The following MCPH1 variants were observed in gnomAD, a reference collection of about 807,000 sequenced individuals.
MCPH1 encodes the protein microcephalin 1, also known as microcephalin.
MCPH1 carries 104 observed loss-of-function variants against 84.5 expected under a neutral mutation model. The observed-to-expected ratio is 1.23, with a 90% confidence interval of 1.05 to 1.45. MCPH1 has a LOEUF of 1.45. Among genes scored for constraint, MCPH1 ranks in the 40% most tolerant of loss-of-function variants. The pLI is 0.00. For synonymous variants in MCPH1, 514 were observed against 366.8 expected (o/e 1.40, Z -4.58); for missense variants, 1,498 against 1,005.7 (o/e 1.49, Z -6.62).
At chr8:6,536,606 A>G (rs571085309) in intron 12 of MCPH1, among the ~76,000 whole-genome samples, 1 of 152,300 alleles carries the variant, frequency 6.6e-6, no homozygotes, top group Non-Finnish European at 1.5e-5. Context: ...GTTTTCTTCC[A>G]AAGATTAGTA....
At chr8:6,504,412 C>T (rs1468639137) in intron 12 of MCPH1, among the ~76,000 whole-genome samples, 1 of 152,066 alleles carries the variant, frequency 6.6e-6, no homozygotes, top group Non-Finnish European at 1.5e-5. Context: ...TCATCCCTCC[C>T]AGAACATGAA....
chr8:6,509,990 G>A (rs185157317), intron 12 of MCPH1, among the ~76,000 whole-genome samples: 9 of 152,256 alleles, frequency 5.9e-5, no homozygotes, highest in South Asian at 4.1e-4. Flanking sequence ...ATCCCAAAGT[G>A]TAGTTTCTGC....
At chr8:6,418,350 C>CT (rs1324579616) in intron 3 of MCPH1, among the ~76,000 whole-genome samples, 7 of 152,202 alleles carry the variant, frequency 4.6e-5, no homozygotes, top group African/African-American at 1.7e-4. Flanking sequence ...CTTTCTTTTT[C>CT]TTTTATTTCC....
chr8:6,618,895 T>C (rs1831123629), intron 12 of MCPH1: 1 of 152,162 alleles, frequency 6.6e-6, no homozygotes, highest in African/African-American at 2.4e-5. Flanking sequence ...ACTGGGCCAT[T>C]TTCAGCGTGT....
intron 13 of MCPH1, chr8:6,634,828 G>A (rs1036164091): frequency 1.3e-5 from 2 of 152,284 alleles, no homozygotes; most frequent in East Asian, 1.9e-4. Flanking sequence ...TTCATTAGTT[G>A]AGCCTGTAAC....
At chr8:6,426,166 G>C (rs554614206) in intron 3 of MCPH1, among the ~76,000 whole-genome samples, 1 of 152,098 alleles carries the variant, frequency 6.6e-6, no homozygotes, top group Non-Finnish European at 1.5e-5. Context: ...TGCAGGCTCA[G>C]ATAGTTGGTT....
Position 6,477,644 on chromosome 8 carries a change from T to C in MCPH1, c.1973+13T>C. ...GCATGCCATCTGAGTAAGTACTTGT[T>C]TTGATTTCTGTTCAATGTAAAATGT... On this transcript the variant is annotated intron_variant, in intron 10 of 13. Transcript: ENST00000344683. 1 of 1,610,072 alleles carries C rather than the reference T, an allele frequency of 6.2e-7. No individual in the cohort carries two copies. Among genetic ancestry groups the C allele is most frequent in the Non-Finnish European group, 8.5e-7 (1 of 1,176,574 alleles).
chr8:6,573,136 C>A (rs1290530892), intron 12 of MCPH1, among the ~76,000 whole-genome samples: 2 of 152,184 alleles, frequency 1.3e-5, no homozygotes, highest in Non-Finnish European at 2.9e-5. Context: ...CGGTCTGGAA[C>A]TAGCTGCTGA....
intron 12 of MCPH1, chr8:6,620,181 C>G (rs902519635): frequency 2.0e-5 from 3 of 152,238 alleles, no homozygotes; most frequent in Non-Finnish European, 4.4e-5. Flanking sequence ...GCCACTGTCT[C>G]CTGCAAGGCA....
intron 12 of MCPH1, among the ~76,000 whole-genome samples, chr8:6,530,417 G>A (rs2922885): frequency 1.3e-5 from 2 of 150,086 alleles, no homozygotes; most frequent in East Asian, 2.0e-4. Flanking sequence ...GCTAAGGCAC[G>A]AGAATCGCTT....
At chr8:6,410,077 G>A (rs1354907158) in intron 2 of MCPH1, among the ~76,000 whole-genome samples, 1 of 151,840 alleles carries the variant, frequency 6.6e-6, no homozygotes, top group Admixed American at 6.6e-5. Flanking sequence ...TCAAGCGATT[G>A]TCCTGCCTCA....
At chr8:6,633,258 T>C (rs561556234) in intron 13 of MCPH1, among the ~76,000 whole-genome samples, 3 of 152,322 alleles carry the variant, frequency 2.0e-5, no homozygotes, top group East Asian at 1.9e-4. Context: ...ACATTTTGTT[T>C]GCATGTCATA....
chr8:6,507,770 A>T (rs933558059), intron 12 of MCPH1: 2 of 151,798 alleles, frequency 1.3e-5, no homozygotes, highest in Non-Finnish European at 2.9e-5. Flanking sequence ...TTTAGTAGAG[A>T]TGGGGTTTCA....
At chr8:6,460,468 G>A (rs987951249) in intron 9 of MCPH1, among the ~76,000 whole-genome samples, 2 of 151,762 alleles carry the variant, frequency 1.3e-5, no homozygotes, top group African/African-American at 4.8e-5. Context: ...CTCCTACCTC[G>A]TCCTCCCAGG....
At chr8:6,493,569 C>G (rs1297081515) in intron 11 of MCPH1, among the ~76,000 whole-genome samples, 2 of 152,192 alleles carry the variant, frequency 1.3e-5, no homozygotes, top group East Asian at 3.9e-4. Context: ...CTTTATGAGA[C>G]AGCTAGAGCA....
chr8:6,537,089 A>G (rs1022141705), intron 12 of MCPH1, among the ~76,000 whole-genome samples: 3 of 152,038 alleles, frequency 2.0e-5, no homozygotes, highest in Admixed American at 2.0e-4. Context: ...AACTGCTCTC[A>G]TCAAAACAGT....
intron 12 of MCPH1, among the ~76,000 whole-genome samples, chr8:6,576,698 T>C (rs1435421477): frequency 1.6e-5 from 1 of 63,038 alleles, no homozygotes; most frequent in Non-Finnish European, 2.9e-5. Context: ...TTTTTTTTTT[T>C]TTTTTTTTTT....
Position 6,622,217 on chromosome 8 carries a change from G to A in MCPH1, c.2452+526G>A, listed in dbSNP as rs77860145. On this transcript the variant is annotated intron_variant, in intron 13 of 13. Transcript: ENST00000344683. ...TTGACAAAGTGAGCACAGTGTGACC[G>A]TAATGTCCCACTCTGGCGTTCATGG... 312 of 182,672 alleles carry A rather than the reference G, an allele frequency of 1.7e-3. 3 individuals are homozygous for A. Among genetic ancestry groups the A allele is most frequent in the African/African-American group, 6.6e-3 (282 of 42,758 alleles). The allele number at this position is 182,672 out of a possible 1,614,324, so 11.3% of individuals were successfully genotyped here.
intron 9 of MCPH1, chr8:6,474,293 G>A (rs1042699399): frequency 1.9e-6 from 1 of 518,178 alleles, no homozygotes; most frequent in Non-Finnish European, 3.5e-6. Flanking sequence ...TTTTGATTCT[G>A]ATATGTGGTT....
Sources: gnomAD v4.1 joint callset for allele counts (sites outside exome capture counted in the v4.1 genomes callset) on GRCh38, gnomAD v4.1.1 for gene constraint, MANE v1.5 for transcripts, NCBI Gene and HGNC (gene_info 2026-07-23, HGNC 2026-07-21) for gene names.